Variants in RBFOX1 observed in about 807,000 individuals in gnomAD.
RBFOX1 encodes RNA binding protein fox-1 homolog 1.
RBFOX1 carries 8 observed loss-of-function variants against 57.7 expected under a neutral mutation model. That is an observed-to-expected ratio of 0.14 (90% CI 0.08 to 0.25). The LOEUF (loss-of-function observed/expected upper bound fraction) is 0.25, where lower values mean the gene tolerates loss of function less well. Ranked by LOEUF, RBFOX1 falls within the 10% of genes least tolerant of loss-of-function variation. The probability of loss-of-function intolerance (pLI) is 1.00; values close to 1 mark genes in which losing one functional copy is unlikely to be tolerated. For missense variants in RBFOX1, 611 were observed against 548.5 expected, an observed-to-expected ratio of 1.11 and a Z score of -1.14; for synonymous variants, 326 against 222.4, an observed-to-expected ratio of 1.47 and a Z score of -4.15.
intron 3 of RBFOX1, among the ~76,000 whole-genome samples, chr16:6,702,216 A>G (rs2061961921): frequency 6.6e-6 from 1 of 152,164 alleles, no homozygotes; most frequent in Non-Finnish European, 1.5e-5. Context: ...CCCACCTCCA[A>G]CACTGGAGAT....
At chr16:6,672,266 A>T (rs1220780275) in intron 3 of RBFOX1, among the ~76,000 whole-genome samples, 2 of 152,184 alleles carry the variant, frequency 1.3e-5, no homozygotes, top group Non-Finnish European at 2.9e-5. Context: ...AGTCCATTGG[A>T]GAAATATACA....
In RBFOX1 at chr16:6,774,973, A is replaced by G. The variant is rs558903929; in HGVS notation, c.-16+120323A>G. On this transcript the variant is annotated intron_variant, in intron 3 of 15. Transcript: ENST00000550418. ...GCCCTAATCTCATCTCCTCTTTAAA[A>G]AGAATGAATATGTATCTTTATTAAT... Among the ~76,000 whole-genome samples the G allele has an allele frequency of 4.6e-5, 7 of 152,188 alleles. No individual in the cohort carries two copies. In the South Asian group the frequency reaches 1.5e-3, roughly 32 times the overall value.
intron 1 of RBFOX1, among the ~76,000 whole-genome samples, chr16:6,265,933 C>T (rs1405285671): frequency 6.6e-6 from 1 of 152,168 alleles, no homozygotes; most frequent in Non-Finnish European, 1.5e-5. Context: ...ATGCAGCATC[C>T]TTCCTGGTAT....
At chr16:7,411,986 G>C (rs573789231) in intron 4 of RBFOX1, among the ~76,000 whole-genome samples, 2 of 151,436 alleles carry the variant, frequency 1.3e-5, no homozygotes, top group Admixed American at 6.6e-5. Context: ...CGGCCGCCCA[G>C]ATGCCATGTG....
intron 4 of RBFOX1, among the ~76,000 whole-genome samples, chr16:7,054,541 T>TGGGGGGG (rs752782535): frequency 2.0e-4 from 9 of 45,994 alleles, no homozygotes; most frequent in Non-Finnish European, 1.4e-4. Flanking sequence ...GCGCCAAACC[T>TGGGGGGG]GGGTGGGGGG....
chr16:5,579,086 G>T (rs1037653386), intron 2 of RBFOX1, among the ~76,000 whole-genome samples: 2 of 152,028 alleles, frequency 1.3e-5, no homozygotes, highest in Non-Finnish European at 2.9e-5. Context: ...GACCTCAGGT[G>T]ATCCCACTGC....
At chr16:6,180,186 C>T (rs980450799) in intron 1 of RBFOX1, among the ~76,000 whole-genome samples, 1 of 152,030 alleles carries the variant, frequency 6.6e-6, no homozygotes, top group Non-Finnish European at 1.5e-5. Flanking sequence ...GAAGGTATTT[C>T]GAGGTGTTAG....
chr16:5,702,655 A>G (rs2051094122), intron 3 of RBFOX1, among the ~76,000 whole-genome samples: 1 of 152,340 alleles, frequency 6.6e-6, no homozygotes, highest in East Asian at 1.9e-4. Flanking sequence ...CTATAACCTC[A>G]ATGAATGTTA....
intron 3 of RBFOX1, among the ~76,000 whole-genome samples, chr16:6,707,091 C>T (rs539529777): frequency 2.2e-4 from 33 of 152,280 alleles, no homozygotes; most frequent in African/African-American, 7.9e-4. Context: ...TCCAGACTTC[C>T]ATGCACACAC....
intron 3 of RBFOX1, among the ~76,000 whole-genome samples, chr16:7,000,882 G>A (rs1596532581): frequency 6.6e-6 from 1 of 152,054 alleles, no homozygotes. Context: ...GATTACAGGC[G>A]TGAGCCACCG....
intron 15 of RBFOX1, chr16:7,710,107 A>C: frequency 9.9e-7 from 1 of 1,005,578 alleles, no homozygotes; most frequent in Non-Finnish European, 1.2e-6. Flanking sequence ...GCTTAATTAC[A>C]TCAAGCAATT....
At chr16:7,011,838 T>C (rs746532962) in intron 3 of RBFOX1, among the ~76,000 whole-genome samples, 5 of 152,176 alleles carry the variant, frequency 3.3e-5, no homozygotes, top group African/African-American at 7.2e-5. Context: ...GACAGTGATA[T>C]CAGTCATGAG....
intron 3 of RBFOX1, among the ~76,000 whole-genome samples, chr16:6,730,801 A>T (rs189903725): frequency 6.6e-6 from 1 of 152,178 alleles, no homozygotes; most frequent in East Asian, 1.9e-4. Context: ...TTCATTTACT[A>T]GGAGTTTCTC....
intron 2 of RBFOX1, among the ~76,000 whole-genome samples, chr16:6,445,078 T>C (rs979489965): frequency 1.3e-5 from 2 of 151,972 alleles, no homozygotes; most frequent in African/African-American, 4.8e-5. Flanking sequence ...GTGGGAGGCA[T>C]TCATGGCCCA....
At chr16:7,285,420 G>C (rs1316359794) in intron 4 of RBFOX1, among the ~76,000 whole-genome samples, 2 of 151,502 alleles carry the variant, frequency 1.3e-5, no homozygotes, top group Admixed American at 6.6e-5. Flanking sequence ...AGTGGTGGTA[G>C]TTTTATCTGG....
At chr16:5,699,835 T>C (rs1234325428) in intron 3 of RBFOX1, among the ~76,000 whole-genome samples, 2 of 152,076 alleles carry the variant, frequency 1.3e-5, no homozygotes, top group Non-Finnish European at 2.9e-5. Context: ...GGTTTTATTA[T>C]TTATTTATTT....
At chr16:5,728,112 T>C (rs893802354) in intron 3 of RBFOX1, among the ~76,000 whole-genome samples, 4 of 152,194 alleles carry the variant, frequency 2.6e-5, no homozygotes, top group African/African-American at 9.7e-5. Flanking sequence ...GAGTGGACAT[T>C]CAAAAGAAAT....
At chr16:5,856,553 G>GTGTA (rs2057066109) in intron 3 of RBFOX1, among the ~76,000 whole-genome samples, 1 of 63,176 alleles carries the variant, frequency 1.6e-5, no homozygotes, top group African/African-American at 6.5e-5. Flanking sequence ...GTGTGTGTGT[G>GTGTA]TGTGTGTGTA....
chr16:6,667,110 T>C (rs1254862437), intron 3 of RBFOX1, among the ~76,000 whole-genome samples: 1 of 152,008 alleles, frequency 6.6e-6, no homozygotes, highest in African/African-American at 2.4e-5. Context: ...AGGGTGGTGG[T>C]GGGTTGGGGG....
Sources: allele counts gnomAD v4.1 joint callset (sites outside exome capture counted in the v4.1 genomes callset), GRCh38; gene constraint gnomAD v4.1.1; transcripts MANE v1.5; gene names NCBI Gene and HGNC (gene_info 2026-07-23, HGNC 2026-07-21).